XYLT1: variants seen among roughly 807,000 people sequenced by gnomAD.
XYLT1 encodes beta-D-xylosyltransferase 1.
XYLT1 carries 36 observed loss-of-function variants against 91.3 expected under a neutral mutation model. That is an observed-to-expected ratio of 0.39 (90% CI 0.30 to 0.52). The LOEUF (loss-of-function observed/expected upper bound fraction) is 0.52, where lower values mean the gene tolerates loss of function less well. XYLT1 is among the 20% of genes least tolerant of loss of function. The pLI is 0.68. For missense variants in XYLT1, 1,242 were observed against 1,284.5 expected (o/e 0.97, Z 0.51); for synonymous variants, 588 against 532.0 (o/e 1.11, Z -1.45).
intron 1 of XYLT1, among the ~76,000 whole-genome samples, chr16:17,409,546 C>A (rs529682412): frequency 7.7e-5 from 9 of 117,326 alleles, no homozygotes; most frequent in Admixed American, 2.9e-4. Flanking sequence ...TATTGAGACA[C>A]TTTTTTTTTT....
At chr16:17,338,078 A>G in intron 2 of XYLT1, 1 of 410,524 alleles carries the variant, frequency 2.4e-6, no homozygotes, top group Middle Eastern at 3.7e-4. Flanking sequence ...CCCGTTCTAC[A>G]TTTTAATGGC....
intron 5 of XYLT1, among the ~76,000 whole-genome samples, chr16:17,164,924 G>A (rs1040662787): frequency 3.9e-5 from 6 of 152,158 alleles, no homozygotes; most frequent in Non-Finnish European, 1.5e-5. Context: ...GGATGGTCCT[G>A]AGCAAATGAA....
intron 3 of XYLT1, among the ~76,000 whole-genome samples, chr16:17,226,074 G>A (rs747355668): frequency 6.6e-6 from 1 of 152,256 alleles, no homozygotes; most frequent in Non-Finnish European, 1.5e-5. Context: ...TGGGGGAGAC[G>A]GCTTACACTG....
Position 17,470,500 on chromosome 16 carries a change from T to C in XYLT1, c.297A>G (p.Gly99=). Residue 99 remains glycine (G), a synonymous_variant, in exon 1 of 12, where the codon GGA becomes GGG. Coordinates refer to ENST00000261381, the MANE Select transcript of XYLT1 (RefSeq NM_022166.4). ...GGRGPQARAR[G]GGPGEPRGQQ... ...GTCCCCGCGGTTCTCCGGGGCCGCC[T>C]CCCCGCGCCCGCGCCTGGGGCCCCC... is the stretch of plus-strand genomic sequence containing the variant. 1.6e-6 allele frequency: 2 copies of C among 1,229,372 alleles called. No individual in the cohort carries two copies. Among genetic ancestry groups the C allele is most frequent in the East Asian group, 3.2e-5 (1 of 31,414 alleles). The allele number at this position is 1,229,372 out of a possible 1,614,324, so 76.2% of individuals were successfully genotyped here.
At chr16:17,437,788 A>G (rs1333345886) in intron 1 of XYLT1, among the ~76,000 whole-genome samples, 1 of 152,174 alleles carries the variant, frequency 6.6e-6, no homozygotes, top group Non-Finnish European at 1.5e-5. Flanking sequence ...TGGCAAGTTT[A>G]AAAAATACAG....
intron 2 of XYLT1, among the ~76,000 whole-genome samples, chr16:17,328,266 G>T (rs1343514792): frequency 1.3e-5 from 2 of 152,060 alleles, no homozygotes; most frequent in African/African-American, 4.8e-5. Context: ...GCCATGATAG[G>T]CCGGGTGCAG....
chr16:17,243,689 A>C (rs980784443), intron 3 of XYLT1, among the ~76,000 whole-genome samples: 4 of 152,202 alleles, frequency 2.6e-5, no homozygotes, highest in African/African-American at 9.6e-5. Flanking sequence ...CTATGTGCTT[A>C]GCACAAGGAG....
chr16:17,457,371 C>T (rs2141956269), intron 1 of XYLT1, among the ~76,000 whole-genome samples: 1 of 152,306 alleles, frequency 6.6e-6, no homozygotes, highest in South Asian at 2.1e-4. Context: ...CTCCAATAAA[C>T]AGTCAGTTTC....
At chr16:17,401,447 G>A (rs2035967987) in intron 1 of XYLT1, among the ~76,000 whole-genome samples, 1 of 152,154 alleles carries the variant, frequency 6.6e-6, no homozygotes, top group African/African-American at 2.4e-5. Flanking sequence ...ACTGGCCAGG[G>A]CAACTTTGAG....
intron 1 of XYLT1, among the ~76,000 whole-genome samples, chr16:17,374,710 TAGA>T (rs1182249706): frequency 3.3e-5 from 5 of 150,990 alleles, no homozygotes; most frequent in Non-Finnish European, 7.4e-5. Context: ...CTGTCTAAAA[TAGA>T]AGGACAAAAA....
chr16:17,308,127 G>A (rs1024981313), intron 2 of XYLT1, among the ~76,000 whole-genome samples: 2 of 152,136 alleles, frequency 1.3e-5, no homozygotes, highest in South Asian at 2.1e-4. Context: ...TGAAGGCTTC[G>A]TAACATGGCA....
chr16:17,245,551 C>T (rs569445586), intron 3 of XYLT1, among the ~76,000 whole-genome samples: 12 of 152,274 alleles, frequency 7.9e-5, no homozygotes, highest in Middle Eastern at 6.8e-3. Flanking sequence ...CACCATTTTC[C>T]GTGTTTATCT....
Position 17,259,515 on chromosome 16 carries a change from A to G in XYLT1, c.403-17T>C. 2.5e-6 allele frequency: 4 copies of G among 1,597,062 alleles called. No homozygotes were observed. Among genetic ancestry groups the G allele is most frequent in the Non-Finnish European group, 3.4e-6 (4 of 1,173,850 alleles). On this transcript the variant is annotated splice_polypyrimidine_tract_variant and intron_variant, in intron 2 of 11. Coordinates refer to ENST00000261381, the MANE Select transcript of XYLT1 (RefSeq NM_022166.4). Reference sequence around the variant, plus strand: ...GTAGCCATCCTGGAGAAGAGGGGAGAGAAACAGAAGAGAAACTTGACTGAG... The same window carrying G: ...GTAGCCATCCTGGAGAAGAGGGGAGGGAAACAGAAGAGAAACTTGACTGAG...
chr16:17,198,060 G>C (rs2032465165), intron 5 of XYLT1, 152 bp downstream of exon 5: 4 of 774,946 alleles, frequency 5.2e-6, no homozygotes, highest in Non-Finnish European at 8.2e-6. Flanking sequence ...ATGAGTGAAT[G>C]AATCAATGAT....
chr16:17,206,218 C>T (rs1412812262), intron 3 of XYLT1, among the ~76,000 whole-genome samples: 3 of 152,068 alleles, frequency 2.0e-5, no homozygotes, highest in Non-Finnish European at 2.9e-5. Context: ...CGGCAGCAGG[C>T]GCGTTGCAGA....
chr16:17,205,918 A>C (rs1028128305), intron 3 of XYLT1, among the ~76,000 whole-genome samples: 1 of 151,992 alleles, frequency 6.6e-6, no homozygotes, highest in Non-Finnish European at 1.5e-5. Context: ...TCCAACTAAG[A>C]GGGTTAGTTG....
At position 17,122,233 on chromosome 16, in the gene XYLT1, C is replaced by T. The variant is rs1341325256; in HGVS notation, c.2224-4254G>A. ...TACAGTCCCACCAACAGCATAAAAGCGTTCCCTTTTCACCACATCCATGCC... is the reference window on the plus strand; with the variant it reads ...TACAGTCCCACCAACAGCATAAAAGTGTTCCCTTTTCACCACATCCATGCC... On this transcript the variant is annotated intron_variant, in intron 10 of 11. Transcript: ENST00000261381. Among the ~76,000 whole-genome samples, 7 of 152,258 alleles carry T rather than the reference C, an allele frequency of 4.6e-5. 1 individual carries two copies. The highest frequency in any genetic ancestry group is 4.1e-4 in the South Asian group (2 of 4,824).
chr16:17,309,772 C>A (rs907346641), intron 2 of XYLT1, among the ~76,000 whole-genome samples: 6 of 152,198 alleles, frequency 3.9e-5, no homozygotes, highest in African/African-American at 1.4e-4. Flanking sequence ...GCGAATGAGC[C>A]ATTGCAGTCA....
At chr16:17,171,300 T>C (rs1597167096) in intron 5 of XYLT1, among the ~76,000 whole-genome samples, 1 of 152,280 alleles carries the variant, frequency 6.6e-6, no homozygotes, top group East Asian at 1.9e-4. Context: ...AGCCCCAAGG[T>C]GAGATTGAGC....
Sources: allele counts gnomAD v4.1 joint callset (sites outside exome capture counted in the v4.1 genomes callset), GRCh38; gene constraint gnomAD v4.1.1; transcripts MANE v1.5; gene names NCBI Gene and HGNC (gene_info 2026-07-23, HGNC 2026-07-21).